The following RSAD2 variants were observed in gnomAD, a reference collection of about 807,000 sequenced individuals.
The protein encoded by RSAD2 is radical S-adenosyl methionine domain containing 2.
Under a neutral mutation model 37.7 loss-of-function variants are expected in RSAD2, and 38 were observed. The ratio of observed to expected loss-of-function variants is 1.01; its 90% CI spans 0.78 to 1.32. The LOEUF is 1.32. Among genes scored for constraint, RSAD2 ranks in the 40% most tolerant of loss-of-function variants. RSAD2 has a pLI of 0.00. For missense variants in RSAD2, 428 were observed against 437.5 expected, an observed-to-expected ratio of 0.98 and a Z score of 0.19; for synonymous variants, 163 against 157.4, an observed-to-expected ratio of 1.04 and a Z score of -0.27.
chr2:6,890,083 C>A, intron 3 of RSAD2, 93 bp from the exon 4 acceptor site: 1 of 1,233,050 alleles, frequency 8.1e-7, no homozygotes, highest in Non-Finnish European at 1.2e-6. Context: ...TCTCTTTGCT[C>A]AGAAGAGATG....
chr2:6,875,458 C>T (rs1445572479), upstream of RSAD2, among the ~76,000 whole-genome samples: 1 of 152,174 alleles, frequency 6.6e-6, no homozygotes, highest in Admixed American at 6.5e-5. Context: ...TTTCCATGGA[C>T]CCTCCCTGGA....
At chr2:6,886,561 G>C (rs940790227) in intron 2 of RSAD2, among the ~76,000 whole-genome samples, 1 of 152,174 alleles carries the variant, frequency 6.6e-6, no homozygotes, top group Non-Finnish European at 1.5e-5. Context: ...AGAAAAAGAA[G>C]TAAATTTATA....
upstream of RSAD2, among the ~76,000 whole-genome samples, chr2:6,875,137 C>A (rs985863733): frequency 6.6e-6 from 1 of 152,122 alleles, no homozygotes; most frequent in African/African-American, 2.4e-5. Context: ...GAGAAAAAGT[C>A]ATGTTCTTAA....
Position 6,898,174 on chromosome 2 carries a change from A to G in RSAD2, c.*2232A>G, listed in dbSNP as rs921343272. ...TTTTTTTCTAGCTGAGGGAAACTGT[A>G]TTTTTCTTTCCCCAAAGAGGAATGT... On this transcript the variant is annotated 3_prime_UTR_variant, in exon 6 of 6. Coordinates refer to ENST00000382040, the MANE Select transcript of RSAD2 (RefSeq NM_080657.5). 2 of 152,146 alleles carry G rather than the reference A, an allele frequency of 1.3e-5. No homozygotes were observed. Among genetic ancestry groups the G allele is most frequent in the East Asian group, 3.9e-4 (2 of 5,186 alleles). The allele number at this position is 152,146 out of a possible 1,614,324, so 9.4% of individuals were successfully genotyped here.
At chr2:6,872,257 A>G (rs777223122) in intron 1 of RSAD2, among the ~76,000 whole-genome samples, 1 of 152,212 alleles carries the variant, frequency 6.6e-6, no homozygotes, top group Non-Finnish European at 1.5e-5. Context: ...ATTGCTAAAT[A>G]TGAGTTTAGG....
chr2:6,895,983 ACTC>A lies in RSAD2; in HGVS notation c.*44_*46del, dbSNP rs1428947114. ...GAGACTTCAACACACCAGTGGGAAA[ACTC>A]CTAGAGTAACTGCCATTGTCTGCAA... On this transcript the variant is annotated 3_prime_UTR_variant, in exon 6 of 6. Coordinates refer to ENST00000382040, the MANE Select transcript of RSAD2 (RefSeq NM_080657.5). 3.8e-6 allele frequency: 6 copies of A among 1,583,232 alleles called. No individual in the cohort carries two copies. Among genetic ancestry groups the A allele is most frequent in the Non-Finnish European group, 5.2e-6 (6 of 1,158,706 alleles).
intron 1 of RSAD2, among the ~76,000 whole-genome samples, chr2:6,881,840 C>T (rs542736537): frequency 2.5e-4 from 37 of 147,876 alleles, no homozygotes; most frequent in African/African-American, 6.3e-4. Flanking sequence ...CCTCCTAGAA[C>T]GCAGGCAGGC....
Position 6,887,069 on chromosome 2 carries a change from A to G in RSAD2, c.643A>G (p.Arg215Gly). Residue 215 changes from arginine (R) to glycine (G), a missense_variant, in exon 3 of 6, where the codon AGA becomes GGA. Coordinates refer to ENST00000382040, the MANE Select transcript of RSAD2 (RefSeq NM_080657.5). ...GCTGAGGAGGTGGTGTAGGGATTAT[A>G]GAGTCGCTTTCAAGATAAATTCTGT... ...QKLRRWCRDY[R>G]VAFKINSVIN... The G allele has an allele frequency of 6.2e-7, 1 of 1,614,180 alleles. No homozygotes were observed. The highest frequency in any genetic ancestry group is 8.5e-7 in the Non-Finnish European group (1 of 1,179,986).
chr2:6,870,560 C>A (rs1440227115), intron 1 of RSAD2, among the ~76,000 whole-genome samples: 1 of 152,156 alleles, frequency 6.6e-6, no homozygotes, highest in East Asian at 1.9e-4. Flanking sequence ...TCTATTGGAA[C>A]CTCAAAGAGA....
rs1663607445 is a variant in RSAD2, at chr2:6,890,434, G to T, written c.888+109G>T. ...ACACATTGTTATTTTAGAGGGTTCGGTGGTGAGAAATGGGAGGAATGCCAT... is the reference window on the plus strand; with the variant it reads ...ACACATTGTTATTTTAGAGGGTTCGTTGGTGAGAAATGGGAGGAATGCCAT... On this transcript the variant is annotated intron_variant, in intron 4 of 5. Transcript: ENST00000382040. The T allele has an allele frequency of 2.4e-6, 3 of 1,230,056 alleles. No homozygotes were observed. The South Asian group carries it at 4.4e-5, about 18-fold the overall frequency. 76.2% of individuals were successfully genotyped at this position (1,230,056 alleles called of 1,614,324 possible).
intron 1 of RSAD2, among the ~76,000 whole-genome samples, chr2:6,870,071 G>A (rs114786054): frequency 0.013 from 1,932 of 152,276 alleles, 44 homozygotes; most frequent in African/African-American, 0.042. Context: ...AAATATACCT[G>A]ATTGGGACCC....
In RSAD2 at chr2:6,898,046, T is replaced by G. The variant is rs1281897635; in HGVS notation, c.*2104T>G. On this transcript the variant is annotated 3_prime_UTR_variant, in exon 6 of 6. Transcript: ENST00000382040. ...GAGTTCAACTAAGAAAGGTCACATA[T>G]GTGAAAGCCCAAGGACACTGTTTGA... 2 of 148,170 alleles carry G rather than the reference T, an allele frequency of 1.3e-5. No homozygotes were observed. Among genetic ancestry groups the G allele is most frequent in the Non-Finnish European group, 3.0e-5 (2 of 67,284 alleles). The allele number at this position is 148,170 out of a possible 1,614,324, so 9.2% of individuals were successfully genotyped here. A position where few individuals can be genotyped will look rare whatever the true frequency, so the allele number is the denominator to read the frequency against.
At position 6,887,110 on chromosome 2, in the gene RSAD2, C is replaced by A; in HGVS notation, c.684C>A (p.Asn228Lys). The part of the protein sequence containing the change: ...FKINSVINRF[N>K]VEEDMTEQIK... ...TAAATTCTGTCATTAATCGTTTCAA[C>A]GTGGAAGAGGACATGACGGAACAGA... The change falls in exon 3 of 6, where the codon AAC (asparagine) becomes AAA (lysine). Residue 228 changes from asparagine to lysine, a missense_variant. Coordinates refer to ENST00000382040, the MANE Select transcript of RSAD2 (RefSeq NM_080657.5). 1 of 1,588,590 alleles carries A rather than the reference C, an allele frequency of 6.3e-7. No individual in the cohort carries two copies. Among genetic ancestry groups the A allele is most frequent in the Non-Finnish European group, 8.6e-7 (1 of 1,162,712 alleles).
rs375358295 is a variant in RSAD2, at chr2:6,872,271, A to G, written c.142+6226A>G. Among the ~76,000 whole-genome samples, 3 of 152,326 alleles carry G rather than the reference A, an allele frequency of 2.0e-5. No homozygotes were observed. The South Asian group carries it at 6.2e-4, about 32-fold the overall frequency. On this transcript the variant is annotated intron_variant, in intron 1 of 5. Coordinates refer to the RSAD2 transcript ENST00000442639. ...TATTGCTAAATATGAGTTTAGGCTT[A>G]CATACTTTTGGCTTCTTAATTCAGA...
At chr2:6,877,399 A>G (rs1302635241), upstream of RSAD2, among the ~76,000 whole-genome samples, 1 of 152,222 alleles carries the variant, frequency 6.6e-6, no homozygotes. Context: ...AAAAACTGTT[A>G]CTTGGCTATG....
chr2:6,879,189 A>G (rs1375972361), intron 1 of RSAD2: 2 of 405,482 alleles, frequency 4.9e-6, no homozygotes, highest in African/African-American at 2.0e-5. Context: ...TGATTGCTCA[A>G]ATGAGAACCT....
chr2:6,877,944 G>T lies in RSAD2; in HGVS notation c.144G>T (p.Lys48Asn). The T allele has an allele frequency of 6.2e-7, 1 of 1,614,144 alleles. No homozygotes were observed. The highest frequency in any genetic ancestry group is 8.5e-7 in the Non-Finnish European group (1 of 1,180,026). Residue 48 changes from lysine to asparagine, a missense_variant, in exon 1 of 6, where the codon AAG becomes AAT. Coordinates refer to ENST00000382040, the MANE Select transcript of RSAD2 (RefSeq NM_080657.5). Reference sequence around the variant, plus strand: ...GGCTGCTAGCTACCAAGAGGAGAAAGCAGCAGCTGGTCCTGAGAGGGCCAG... The same window carrying T: ...GGCTGCTAGCTACCAAGAGGAGAAATCAGCAGCTGGTCCTGAGAGGGCCAG... Reference protein sequence around the residue: ...TFWLLATKRRKQQLVLRGPDE... With the variant: ...TFWLLATKRRNQQLVLRGPDE...
chr2:6,871,421 A>T (rs1173364486), intron 1 of RSAD2, among the ~76,000 whole-genome samples: 1 of 152,200 alleles, frequency 6.6e-6, no homozygotes, highest in Non-Finnish European at 1.5e-5. Flanking sequence ...CCTGTGATTT[A>T]TGTTACTTTG....
chr2:6,887,128 G>A lies in RSAD2; in HGVS notation c.702G>A (p.Thr234=), dbSNP rs372358041. The change falls in exon 3 of 6, where the codon ACG becomes ACA. Residue 234 remains threonine (T), a synonymous_variant. Coordinates refer to ENST00000382040, the MANE Select transcript of RSAD2 (RefSeq NM_080657.5). ...INRFNVEEDM[T]EQIKALNPVR... The stretch of plus-strand genomic sequence containing the variant: ...GTTTCAACGTGGAAGAGGACATGAC[G>A]GAACAGATCAAAGCACTAAACCCTG... 7.7e-5 allele frequency: 125 copies of A among 1,613,882 alleles called. No homozygotes were observed. The highest frequency in any genetic ancestry group is 9.4e-5 in the Non-Finnish European group (111 of 1,179,890).
Sources: gnomAD v4.1 joint callset for allele counts (sites outside exome capture counted in the v4.1 genomes callset) on GRCh38, gnomAD v4.1.1 for gene constraint, MANE v1.5 for transcripts, NCBI Gene and HGNC (gene_info 2026-07-23, HGNC 2026-07-21) for gene names.